Variants in CDC42BPB observed in about 807,000 individuals in gnomAD.
CDC42BPB encodes CDC42 binding protein kinase beta.
A neutral mutation model predicts 214.9 loss-of-function variants in CDC42BPB; 37 were observed. The observed-to-expected ratio is 0.17, with a 90% CI of 0.13 to 0.23. CDC42BPB has a LOEUF of 0.23. Ranked by LOEUF, CDC42BPB falls within the 10% of genes least tolerant of loss-of-function variation. The pLI, the probability that CDC42BPB is intolerant of heterozygous loss-of-function variation, is 1.00. For missense variants in CDC42BPB, 1,694 were observed against 2,227.0 expected, an observed-to-expected ratio of 0.76 and a Z score of 4.82; for synonymous variants, 931 against 884.0, an observed-to-expected ratio of 1.05 and a Z score of -0.94.
chr14:103,041,603 C>T (rs911196004), intron 1 of CDC42BPB: 38 of 853,844 alleles, frequency 4.5e-5, no homozygotes, highest in Non-Finnish European at 6.8e-5. Context: ...CCCCACATTG[C>T]CCTGCACACC....
chr14:102,961,162 GAATCAATCAATCAATCAATCAATC>G (rs34666495), intron 20 of CDC42BPB, among the ~76,000 whole-genome samples: 1 of 149,528 alleles, frequency 6.7e-6, no homozygotes, highest in Non-Finnish European at 1.5e-5. Flanking sequence ...GCAAGACCCT[GAATCAATCAATCAATCAATCAATC>G]AATCAATCAA....
In CDC42BPB at chr14:102,964,659, A is replaced by T; in HGVS notation, c.2578-9T>A. Reference sequence around the variant, plus strand: ...ACCTTCCACAGCGGGTCCTTGAGACACGGTCATGGCGTTAAAAATGCATTT... The same window carrying T: ...ACCTTCCACAGCGGGTCCTTGAGACTCGGTCATGGCGTTAAAAATGCATTT... On this transcript the variant is annotated splice_polypyrimidine_tract_variant and intron_variant, in intron 18 of 36. Transcript: ENST00000361246. 1 of 1,600,890 alleles carries T rather than the reference A, an allele frequency of 6.2e-7. No homozygotes were observed. The highest frequency in any genetic ancestry group is 1.1e-5 in the South Asian group (1 of 90,066).
At chr14:103,031,497 A>G (rs548991607) in intron 1 of CDC42BPB, among the ~76,000 whole-genome samples, 1 of 152,362 alleles carries the variant, frequency 6.6e-6, no homozygotes, top group Admixed American at 6.5e-5. Context: ...ACAAGCTACA[A>G]GAGCTGTCAA....
intron 20 of CDC42BPB, among the ~76,000 whole-genome samples, chr14:102,960,156 G>C (rs1002049754): frequency 6.6e-6 from 1 of 152,052 alleles, no homozygotes; most frequent in African/African-American, 2.4e-5. Context: ...GGTAAGCCAA[G>C]ATCATGCCAC....
chr14:103,041,806 C>T (rs749658786), intron 1 of CDC42BPB: 7 of 416,508 alleles, frequency 1.7e-5, no homozygotes, highest in South Asian at 4.7e-5. Flanking sequence ...GGCCAAGGTG[C>T]GGCGGCTGAA....
chr14:102,979,086 G>A (rs1893885470), intron 8 of CDC42BPB, among the ~76,000 whole-genome samples: 1 of 152,136 alleles, frequency 6.6e-6, no homozygotes, highest in South Asian at 2.1e-4. Flanking sequence ...TCAGAGTCTA[G>A]GACAACAATC....
intron 1 of CDC42BPB, among the ~76,000 whole-genome samples, chr14:103,037,706 G>A (rs1887742392): frequency 6.6e-6 from 1 of 152,104 alleles, no homozygotes; most frequent in South Asian, 2.1e-4. Flanking sequence ...GCTAAGGGAG[G>A]TGGCTCAAGA....
At chr14:102,970,408 G>A (rs1893423273) in intron 13 of CDC42BPB, 147 bp from the exon 14 acceptor site, 19 of 1,382,584 alleles carry the variant, frequency 1.4e-5, no homozygotes, top group Non-Finnish European at 1.8e-5. Context: ...ACAAATTAAA[G>A]TTTGAGAAAT....
chr14:102,960,976 C>G (rs145474471), intron 20 of CDC42BPB, among the ~76,000 whole-genome samples: 1 of 151,916 alleles, frequency 6.6e-6, no homozygotes, highest in African/African-American at 2.4e-5. Context: ...CTGGGAAATA[C>G]GGCACAACCC....
At chr14:102,968,060 A>C (rs1595476481) in intron 16 of CDC42BPB, among the ~76,000 whole-genome samples, 193 bp downstream of exon 16, 1 of 151,620 alleles carries the variant, frequency 6.6e-6, no homozygotes, top group Non-Finnish European at 1.5e-5. Context: ...GCGTCACTGC[A>C]CTCCAGCCTG....
intron 1 of CDC42BPB, among the ~76,000 whole-genome samples, chr14:103,032,100 C>T (rs961310430): frequency 2.0e-5 from 3 of 151,820 alleles, no homozygotes; most frequent in Non-Finnish European, 2.9e-5. Context: ...CTCAGGGCAG[C>T]GGCAGGTGTT....
intron 1 of CDC42BPB, among the ~76,000 whole-genome samples, chr14:103,045,112 A>G (rs2139762028): frequency 6.6e-6 from 1 of 152,244 alleles, no homozygotes; most frequent in African/African-American, 2.4e-5. Flanking sequence ...ACAAAGTGAT[A>G]GACTGAATTA....
At chr14:103,029,858 C>CAAAAAAAAAAA (rs11299296) in intron 1 of CDC42BPB, among the ~76,000 whole-genome samples, 1 of 62,358 alleles carries the variant, frequency 1.6e-5, no homozygotes, top group Non-Finnish European at 2.9e-5. Context: ...ACTCCATCTC[C>CAAAAAAAAAAA]AAAAAAAAAA....
intron 1 of CDC42BPB, among the ~76,000 whole-genome samples, chr14:103,014,863 A>G (rs1158887254): frequency 6.6e-6 from 1 of 151,896 alleles, no homozygotes; most frequent in African/African-American, 2.4e-5. Context: ...TCTGAAAAAC[A>G]AAACAAAACA....
intron 36 of CDC42BPB, among the ~76,000 whole-genome samples, chr14:102,936,431 T>A (rs1891650108): frequency 6.6e-6 from 1 of 152,126 alleles, no homozygotes; most frequent in Non-Finnish European, 1.5e-5. Flanking sequence ...ACGCCAGCAC[T>A]GATGCATGCT....
At chr14:102,971,842 C>T in intron 13 of CDC42BPB, 77 bp downstream of exon 13, 1 of 1,484,112 alleles carries the variant, frequency 6.7e-7, no homozygotes, top group South Asian at 1.3e-5. Context: ...GTAATGCAGC[C>T]CAAGATTTCA....
chr14:103,012,098 T>G lies in CDC42BPB; in HGVS notation c.266A>C (p.Glu89Ala). Residue 89 changes from glutamate (E) to alanine (A), a missense_variant and splice_region_variant, in exon 2 of 37, where the codon GAG becomes GCG. Transcript: ENST00000361246. ...TTAACAAAATGAAGTTTATCTTACC[T>G]CACCAAAAGCACCTCTTCCAATTAC... ...IKVIGRGAFG[E>A]VAVVKMKNTE... 2 of 1,606,304 alleles carry G rather than the reference T, an allele frequency of 1.2e-6. No homozygotes were observed. The highest frequency in any genetic ancestry group is 1.7e-6 in the Non-Finnish European group (2 of 1,173,246).
intron 18 of CDC42BPB, among the ~76,000 whole-genome samples, chr14:102,965,218 C>T (rs1368013892): frequency 3.3e-5 from 5 of 152,050 alleles, no homozygotes; most frequent in African/African-American, 7.2e-5. Context: ...AGGCATGAGC[C>T]GCTGCGCCTG....
rs191032778 is a variant in CDC42BPB, at chr14:102,986,789, C to T, written c.597-209G>A. Reference sequence around the variant, plus strand: ...CTGCCCCTCGTTTAGTCCCCAGTTACCCTGGCGAGGCCCTGTGACGATTCC... The same window carrying T: ...CTGCCCCTCGTTTAGTCCCCAGTTATCCTGGCGAGGCCCTGTGACGATTCC... On this transcript the variant is annotated intron_variant, in intron 5 of 36. Transcript: ENST00000361246. 3.2e-6 allele frequency: 3 copies of T among 934,112 alleles called. No individual in the cohort carries two copies. In the East Asian group the frequency reaches 3.5e-4, roughly 109 times the overall value. The allele number at this position is 934,112 out of a possible 1,614,324, so 57.9% of individuals were successfully genotyped here.
Sources: allele counts gnomAD v4.1 joint callset (sites outside exome capture counted in the v4.1 genomes callset), GRCh38; gene constraint gnomAD v4.1.1; transcripts MANE v1.5; gene names NCBI Gene and HGNC (gene_info 2026-07-23, HGNC 2026-07-21).